Variants in PCDHGB1 observed in about 807,000 individuals in gnomAD.
The protein encoded by PCDHGB1 is protocadherin gamma-B1.
A neutral mutation model predicts 56.6 loss-of-function variants in PCDHGB1; 34 were observed. The observed-to-expected ratio is 0.60, with a 90% confidence interval of 0.46 to 0.80. The LOEUF (loss-of-function observed/expected upper bound fraction) is 0.80. Ranked by LOEUF, PCDHGB1 falls within the 30% of genes least tolerant of loss-of-function variation. PCDHGB1 has a pLI of 0.00. For missense variants in PCDHGB1, 1,278 were observed against 1,204.6 expected (o/e 1.06, Z -0.90); for synonymous variants, 561 against 505.9 (o/e 1.11, Z -1.46).
chr5:141,352,094 C>A lies in PCDHGB1; in HGVS notation c.1834C>A (p.Leu612Ile), dbSNP rs775660078. Reference protein sequence around the residue: ...YHVLQASEPGLFSLGLRTGEV... With the variant: ...YHVLQASEPGIFSLGLRTGEV... Reference sequence around the variant, plus strand: ...CGTGCTGCAGGCCAGCGAGCCCGGGCTCTTCAGCCTGGGGTTGCGCACGGG... The same window carrying A: ...CGTGCTGCAGGCCAGCGAGCCCGGGATCTTCAGCCTGGGGTTGCGCACGGG... Residue 612 changes from leucine to isoleucine, a missense_variant, in exon 1 of 4, where the codon CTC becomes ATC. Coordinates refer to ENST00000523390, the MANE Select transcript of PCDHGB1 (RefSeq NM_018922.3). The A allele has an allele frequency of 3.1e-6, 5 of 1,605,478 alleles. No homozygotes were observed. The highest frequency in any genetic ancestry group is 3.4e-5 in the Admixed American group (2 of 59,554).
chr5:141,423,544 C>G, intron 1 of PCDHGB1: 1 of 1,613,744 alleles, frequency 6.2e-7, no homozygotes, highest in African/African-American at 1.3e-5. Flanking sequence ...GATTTTCCCC[C>G]AGCCCAACTA....
chr5:141,510,613 C>T (rs559713771), intron 3 of PCDHGB1, among the ~76,000 whole-genome samples: 17 of 152,298 alleles, frequency 1.1e-4, no homozygotes, highest in Admixed American at 2.0e-4. Context: ...TTAGCATTCA[C>T]TAAAACCAGA....
At chr5:141,446,502 A>G (rs1178198384) in intron 1 of PCDHGB1, among the ~76,000 whole-genome samples, 5 of 150,732 alleles carry the variant, frequency 3.3e-5, no homozygotes, top group Non-Finnish European at 7.4e-5. Context: ...TTTGAGATGG[A>G]GTCTCGCTCT....
chr5:141,389,538 G>A (rs772693461), intron 1 of PCDHGB1: 1 of 1,613,186 alleles, frequency 6.2e-7, no homozygotes, highest in Admixed American at 1.7e-5. Context: ...GTTAGTGGAC[G>A]ACCGCAACGA....
intron 1 of PCDHGB1, among the ~76,000 whole-genome samples, chr5:141,373,062 C>T (rs898228375): frequency 1.3e-5 from 2 of 152,140 alleles, no homozygotes; most frequent in African/African-American, 4.8e-5. Flanking sequence ...TAATCTGAAA[C>T]ATTTTTAATA....
intron 1 of PCDHGB1, among the ~76,000 whole-genome samples, chr5:141,387,526 G>C (rs186607627): frequency 2.0e-5 from 3 of 152,206 alleles, no homozygotes; most frequent in African/African-American, 7.2e-5. Context: ...ATATACAGAC[G>C]TATCCACGTA....
At chr5:141,392,864 C>T (rs1328545217) in intron 1 of PCDHGB1, 2 of 1,612,536 alleles carry the variant, frequency 1.2e-6, no homozygotes, top group Non-Finnish European at 1.7e-6. Context: ...TCCTGCTGTG[C>T]GCGCTGCTGG....
chr5:141,399,738 G>C (rs1484510317), intron 1 of PCDHGB1: 2 of 1,613,268 alleles, frequency 1.2e-6, no homozygotes, highest in African/African-American at 1.3e-5. Flanking sequence ...GCTCGCCTGC[G>C]CTCAGCGCAA....
chr5:141,381,925 G>A (rs1777765051), intron 1 of PCDHGB1, among the ~76,000 whole-genome samples: 1 of 145,664 alleles, frequency 6.9e-6, no homozygotes, highest in Non-Finnish European at 1.5e-5. Flanking sequence ...CACCTCCCGG[G>A]TTCAAGCGAT....
intron 1 of PCDHGB1, chr5:141,396,285 A>G (rs996354546): frequency 1.3e-5 from 2 of 152,164 alleles, no homozygotes; most frequent in African/African-American, 4.8e-5. Context: ...ATGCCACTGC[A>G]CTCCAGCCTA....
At chr5:141,429,196 A>ACACACT in intron 1 of PCDHGB1, 1 of 151,994 alleles carries the variant, frequency 6.6e-6, no homozygotes, top group Non-Finnish European at 1.5e-5. Context: ...ACACACACAC[A>ACACACT]CACACACACG....
chr5:141,414,778 C>G, intron 1 of PCDHGB1: 5 of 1,614,202 alleles, frequency 3.1e-6, no homozygotes, highest in Non-Finnish European at 3.4e-6. Context: ...GCTACAGATG[C>G]AGGTGACAGC....
chr5:141,356,869 G>T, intron 1 of PCDHGB1: 1 of 1,614,182 alleles, frequency 6.2e-7, no homozygotes, highest in Non-Finnish European at 8.5e-7. Context: ...GGACCAGAAC[G>T]ACAATGTCCC....
chr5:141,486,090 G>T lies in PCDHGB1; in HGVS notation c.2410-8717G>T, dbSNP rs190955361. 2.5e-6 allele frequency: 4 copies of T among 1,614,086 alleles called. No individual in the cohort carries two copies. In the East Asian group the frequency reaches 8.9e-5, roughly 36 times the overall value. On this transcript the variant is annotated intron_variant, in intron 1 of 3. Transcript: ENST00000523390. This position sits in a 1 kb window ranked among gnomAD's most constrained non-coding sequence, Gnocchi z 5.0. Reference sequence around the variant, plus strand: ...ACTACTGGAAAGCTTACTCTTTTGGGGCCCCTAGACTTTGAGAGTGAGAAT... The same window carrying T: ...ACTACTGGAAAGCTTACTCTTTTGGTGCCCCTAGACTTTGAGAGTGAGAAT...
At chr5:141,386,994 AT>A (rs1291262145) in intron 1 of PCDHGB1, among the ~76,000 whole-genome samples, 1 of 152,224 alleles carries the variant, frequency 6.6e-6, no homozygotes, top group Non-Finnish European at 1.5e-5. Flanking sequence ...GCTATGTATT[AT>A]CCCCCTGATA....
At chr5:141,424,198 C>A (rs116187844) in intron 1 of PCDHGB1, 2 of 181,904 alleles carry the variant, frequency 1.1e-5, no homozygotes, top group South Asian at 1.9e-4. Context: ...CACTTATACA[C>A]GTAAGCTTTT....
At chr5:141,359,957 A>G (rs1191685294) in intron 1 of PCDHGB1, 4 of 582,164 alleles carry the variant, frequency 6.9e-6, no homozygotes, top group Non-Finnish European at 1.1e-5. Flanking sequence ...CAAAAGAACG[A>G]AGAGAAGCGT....
intron 1 of PCDHGB1, chr5:141,393,474 C>G (rs773609499): frequency 3.1e-6 from 5 of 1,614,044 alleles, no homozygotes; most frequent in Non-Finnish European, 4.2e-6. Flanking sequence ...CGGCAAGCCG[C>G]CTCGCTCTAG....
At chr5:141,383,889 G>T in intron 1 of PCDHGB1, 1 of 1,613,938 alleles carries the variant, frequency 6.2e-7, no homozygotes, top group South Asian at 1.1e-5. Context: ...GTCTGACAAA[G>T]GCAAAAGTAC....
Sources: allele counts gnomAD v4.1 joint callset (sites outside exome capture counted in the v4.1 genomes callset), GRCh38; gene constraint gnomAD v4.1.1; non-coding constraint Gnocchi (gnomAD v3.1); transcripts MANE v1.5; gene names NCBI Gene and HGNC (gene_info 2026-07-23, HGNC 2026-07-21).